BICD1: variants seen among roughly 807,000 people sequenced by gnomAD.
BICD1 encodes the protein BICD cargo adaptor 1, also known as protein bicaudal D homolog 1.
BICD1 carries 35 observed loss-of-function variants against 92.5 expected under a neutral mutation model. That is an observed-to-expected ratio of 0.38 (90% confidence interval 0.29 to 0.50). The LOEUF is 0.50. BICD1 is among the 20% of genes least tolerant of loss of function. The pLI, the probability that BICD1 is intolerant of heterozygous loss-of-function variation, is 0.93. For missense variants in BICD1, 950 were observed against 1,189.8 expected (o/e 0.80, Z 2.97); for synonymous variants, 429 against 465.1 (o/e 0.92, Z 1.00).
At chr12:32,206,766 A>ATATT (rs1420560554) in intron 1 of BICD1, among the ~76,000 whole-genome samples, 1 of 152,248 alleles carries the variant, frequency 6.6e-6, no homozygotes, top group Non-Finnish European at 1.5e-5. Context: ...TGGATTATTA[A>ATATT]TATGAAGTAT....
At chr12:32,278,544 C>T (rs1010025404) in intron 2 of BICD1, among the ~76,000 whole-genome samples, 3 of 152,212 alleles carry the variant, frequency 2.0e-5, no homozygotes, top group Non-Finnish European at 4.4e-5. Context: ...CAGACAGTCA[C>T]ATTTTTACTA....
intron 2 of BICD1, among the ~76,000 whole-genome samples, chr12:32,288,450 A>G (rs1329538770): frequency 6.6e-6 from 1 of 151,860 alleles, no homozygotes; most frequent in African/African-American, 2.4e-5. Context: ...GGGGCTCACC[A>G]TGTTGCCCAG....
chr12:32,167,631 T>A (rs1246725574), intron 1 of BICD1, among the ~76,000 whole-genome samples: 1 of 152,176 alleles, frequency 6.6e-6, no homozygotes, highest in Non-Finnish European at 1.5e-5. Flanking sequence ...AATTTTTGTA[T>A]TTTTGGTTGA....
intron 2 of BICD1, among the ~76,000 whole-genome samples, chr12:32,283,641 T>C (rs1402542910): frequency 6.6e-6 from 1 of 152,152 alleles, no homozygotes; most frequent in Non-Finnish European, 1.5e-5. Context: ...TAGGAAACGT[T>C]GATGAGGTGG....
chr12:32,313,469 A>C lies in BICD1; in HGVS notation c.1005+7347A>C, dbSNP rs1399258625. On this transcript the variant is annotated intron_variant, in intron 4 of 9. Coordinates refer to ENST00000652176, the MANE Select transcript of BICD1 (RefSeq NM_001714.4). This position sits in a 1 kb window ranked among gnomAD's most constrained non-coding sequence, Gnocchi z 4.2. ...ATGACTGTGTTATGTCATTAGTTCA[A>C]GGTCAAAAATCTAGTAAGTGGAGTT... 6.6e-6 allele frequency among the ~76,000 whole-genome samples: 1 copy of C among 152,220 alleles called. No homozygotes were observed. Among genetic ancestry groups the C allele is most frequent in the African/African-American group, 2.4e-5 (1 of 41,464 alleles).
intron 1 of BICD1, among the ~76,000 whole-genome samples, chr12:32,171,607 C>G (rs575382726): frequency 6.6e-6 from 1 of 152,158 alleles, no homozygotes; most frequent in Admixed American, 6.5e-5. Context: ...GAGTGCTTTT[C>G]TTTGTTGGTG....
chr12:32,314,259 G>A (rs4540912), intron 4 of BICD1, among the ~76,000 whole-genome samples: 51,340 of 152,008 alleles, frequency 0.34, 9,019 homozygotes, highest in East Asian at 0.6. Context: ...TCGTGTGCAC[G>A]TATGTTTTAA....
chr12:32,200,881 A>G (rs1944887635), intron 1 of BICD1, among the ~76,000 whole-genome samples: 1 of 152,212 alleles, frequency 6.6e-6, no homozygotes, highest in South Asian at 2.1e-4. Flanking sequence ...ATAAGAATAT[A>G]AGTGTCCAAA....
In BICD1 at chr12:32,377,702, G is replaced by A. The variant is rs201241280; in HGVS notation, c.*75G>A. The A allele has an allele frequency of 6.6e-4, 884 of 1,331,706 alleles. 6 individuals carry two copies. Among genetic ancestry groups the A allele is most frequent in the Middle Eastern group, 4.5e-3 (25 of 5,512 alleles). 82.5% of individuals were successfully genotyped at this position (1,331,706 alleles called of 1,614,324 possible). A position where few individuals can be genotyped will look rare whatever the true frequency, so the allele number is the denominator to read the frequency against. On this transcript the variant is annotated 3_prime_UTR_variant, in exon 10 of 10. Coordinates refer to ENST00000652176, the MANE Select transcript of BICD1 (RefSeq NM_001714.4). The stretch of plus-strand genomic sequence containing the variant: ...CACAGGATACTGCCCAAGATCCAGC[G>A]GGTGTTTTCTTCTCGGTTGTTAGAT...
At chr12:32,308,213 G>A (rs1293417075) in intron 4 of BICD1, among the ~76,000 whole-genome samples, 1 of 152,170 alleles carries the variant, frequency 6.6e-6, no homozygotes, top group African/African-American at 2.4e-5. Flanking sequence ...GTTTGGTTTA[G>A]GCGGTTCCTC....
At chr12:32,180,159 G>A (rs1013433727) in intron 1 of BICD1, among the ~76,000 whole-genome samples, 2 of 151,822 alleles carry the variant, frequency 1.3e-5, no homozygotes, top group African/African-American at 4.8e-5. Flanking sequence ...AGTCAGTTAA[G>A]TATAGATGTG....
intron 1 of BICD1, among the ~76,000 whole-genome samples, chr12:32,144,320 A>C (rs1341261180): frequency 6.6e-6 from 1 of 152,124 alleles, no homozygotes; most frequent in Non-Finnish European, 1.5e-5. Flanking sequence ...TGAGTTCTTA[A>C]ATTATTCTTT....
At chr12:32,276,235 G>A (rs774736026) in intron 2 of BICD1, among the ~76,000 whole-genome samples, 4 of 152,018 alleles carry the variant, frequency 2.6e-5, no homozygotes, top group Non-Finnish European at 4.4e-5. Flanking sequence ...GCACCCTTCC[G>A]GAGGAAATCT....
chr12:32,290,322 C>A (rs1013381822), intron 2 of BICD1, among the ~76,000 whole-genome samples: 12 of 152,136 alleles, frequency 7.9e-5, no homozygotes, highest in Admixed American at 7.2e-4. Context: ...AGCCAGTGAG[C>A]TTTTATGATG....
chr12:32,135,092 AT>A (rs35641098), intron 1 of BICD1, among the ~76,000 whole-genome samples: 105,790 of 129,164 alleles, frequency 0.82, 41,958 homozygotes, highest in Middle Eastern at 0.9. Context: ...CCCCTCCTTT[AT>A]TTTTTTTTTT....
intron 2 of BICD1, among the ~76,000 whole-genome samples, chr12:32,263,314 C>T (rs1946904574): frequency 6.6e-6 from 1 of 151,972 alleles, no homozygotes; most frequent in Non-Finnish European, 1.5e-5. Flanking sequence ...TTTGGGAGGC[C>T]GAGGCGGGTG....
intron 2 of BICD1, among the ~76,000 whole-genome samples, chr12:32,275,694 G>A (rs951768012): frequency 2.6e-5 from 4 of 152,060 alleles, no homozygotes; most frequent in African/African-American, 7.2e-5. Flanking sequence ...GATTCCCATC[G>A]CCGCTGACTC....
In BICD1 at chr12:32,313,971, G is replaced by C. The variant is rs1236217845; in HGVS notation, c.1005+7849G>C. 3.9e-5 allele frequency among the ~76,000 whole-genome samples: 6 copies of C among 152,152 alleles called. No homozygotes were observed. The South Asian group carries it at 1.0e-3, about 26-fold the overall frequency. On this transcript the variant is annotated intron_variant, in intron 4 of 9. Transcript: ENST00000652176. The surrounding 1 kb of genome is among the most constrained non-coding windows in gnomAD (Gnocchi z 4.2). ...TGCACTCCAGCCTAGGTGAAAGAGC[G>C]TGACCCTATCAATAAATAAATAAAA... is the stretch of plus-strand genomic sequence containing the variant.
chr12:32,376,964 C>G (rs1048591167), intron 9 of BICD1, among the ~76,000 whole-genome samples: 1 of 151,788 alleles, frequency 6.6e-6, no homozygotes, highest in South Asian at 2.1e-4. Flanking sequence ...TAGACTTCCA[C>G]AGGCAAATTC....
Sources: allele counts gnomAD v4.1 joint callset (sites outside exome capture counted in the v4.1 genomes callset), GRCh38; gene constraint gnomAD v4.1.1; non-coding constraint Gnocchi (gnomAD v3.1); transcripts MANE v1.5; gene names NCBI Gene and HGNC (gene_info 2026-07-23, HGNC 2026-07-21).